The following DZIP3 variants were observed in gnomAD, a reference collection of about 807,000 sequenced individuals.
DZIP3 encodes the protein DAZ interacting zinc finger protein 3.
In DZIP3, 118 loss-of-function variants were observed where a neutral mutation model predicts 162.0. That is an observed-to-expected ratio of 0.73 (90% CI 0.63 to 0.85). DZIP3 has a LOEUF of 0.85. Among genes scored for constraint, DZIP3 ranks in the 40% least tolerant of loss-of-function variants. The pLI is 0.00. For missense variants in DZIP3, 1,331 were observed against 1,407.0 expected (o/e 0.95, Z 0.86); for synonymous variants, 438 against 458.6 (o/e 0.96, Z 0.57).
chr3:108,685,304 A>G (rs73850576), intron 27 of DZIP3, among the ~76,000 whole-genome samples: 21,674 of 152,134 alleles, frequency 0.14, 1,692 homozygotes, highest in South Asian at 0.27. Context: ...TCCTAATAAG[A>G]TTACTTTCTG....
chr3:108,669,960 TA>T (rs1943865477), intron 22 of DZIP3, among the ~76,000 whole-genome samples: 1 of 151,882 alleles, frequency 6.6e-6, no homozygotes, highest in Non-Finnish European at 1.5e-5. Flanking sequence ...GCTCTGACTC[TA>T]GAAAACTGCT....
rs372138597 is a variant in DZIP3, at chr3:108,648,967, G to C, written c.2007+5G>C. The C allele has an allele frequency of 8.6e-7, 1 of 1,160,518 alleles. No individual in the cohort carries two copies. Among genetic ancestry groups the C allele is most frequent in the African/African-American group, 1.7e-5 (1 of 60,112 alleles). The allele number at this position is 1,160,518 out of a possible 1,614,324, so 71.9% of individuals were successfully genotyped here. Reference sequence around the variant, plus strand: ...AAGAAGACTAAGAATAAAAAGGTAAGAGACTATAATAGCATTATAATACTG... The same window carrying C: ...AAGAAGACTAAGAATAAAAAGGTAACAGACTATAATAGCATTATAATACTG... On this transcript the variant is annotated splice_donor_5th_base_variant and intron_variant, in intron 17 of 32. Coordinates refer to ENST00000361582, the MANE Select transcript of DZIP3 (RefSeq NM_014648.4).
At position 108,611,183 on chromosome 3, in the gene DZIP3, G is replaced by C. The variant is rs191742503; in HGVS notation, c.112G>C (p.Glu38Gln). Residue 38 changes from glutamate (E) to glutamine (Q), a missense_variant, in exon 4 of 33, where the codon GAA (glutamate) becomes CAA (glutamine). This residue lies in a region of DZIP3 where 1,278 missense variants were observed against 1,317.1 expected (regional missense o/e 0.97). Transcript: ENST00000361582. ...EKSSGQLNKQ[E>Q]NDIPTDLVPV... ...CAATAATGTCTTCTAGAACAAACAG[G>C]AAAATGACATACCTACTGATCTTGT... 54 of 1,587,520 alleles carry C rather than the reference G, an allele frequency of 3.4e-5. No individual in the cohort carries two copies. The East Asian group carries it at 1.1e-3, about 33-fold the overall frequency.
At position 108,661,939 on chromosome 3, in the gene DZIP3, A is replaced by C. The variant is rs750569405; in HGVS notation, c.2262A>C (p.Gln754His). Reference sequence around the variant, plus strand: ...CTGAAAAGGAAAGGCTTGCTCGTCAAAGGCAGCTTTATAAATTGCACTATC... The same window carrying C: ...CTGAAAAGGAAAGGCTTGCTCGTCACAGGCAGCTTTATAAATTGCACTATC... Reference protein sequence around the residue: ...GETEKERLARQRQLYKLHYQC... With the variant: ...GETEKERLARHRQLYKLHYQC... Residue 754 changes from glutamine (Q) to histidine (H), a missense_variant, in exon 20 of 33, where the codon CAA becomes CAC. Physicochemically the swap from Gln to His is conservative, Grantham distance 24. Coordinates refer to ENST00000361582, the MANE Select transcript of DZIP3 (RefSeq NM_014648.4). 6.2e-7 allele frequency: 1 copy of C among 1,614,058 alleles called. No individual in the cohort carries two copies.
At chr3:108,654,025 G>T in intron 18 of DZIP3, 120 bp from the exon 19 acceptor site, 1 of 1,042,578 alleles carries the variant, frequency 9.6e-7, no homozygotes, top group East Asian at 2.6e-5. Flanking sequence ...CTTTGATCAT[G>T]AACCCTTCTA....
chr3:108,688,285 C>T (rs1405728012), intron 29 of DZIP3, among the ~76,000 whole-genome samples, 189 bp downstream of exon 29: 1 of 152,100 alleles, frequency 6.6e-6, no homozygotes, highest in African/African-American at 2.4e-5. Flanking sequence ...ATACCTGTTA[C>T]CTAATCATTC....
chr3:108,660,178 G>A (rs140350155), intron 19 of DZIP3, among the ~76,000 whole-genome samples: 2,949 of 152,106 alleles, frequency 0.019, 88 homozygotes, highest in African/African-American at 0.063. Flanking sequence ...CCTGCATTGC[G>A]AAGTCAATCC....
intron 11 of DZIP3, 28 bp from the exon 12 acceptor site, chr3:108,637,468 G>T: frequency 1.2e-6 from 2 of 1,604,200 alleles, no homozygotes; most frequent in Admixed American, 1.7e-5. Flanking sequence ...ACTACTTTAG[G>T]GCTATTTTTT....
At chr3:108,647,365 A>T (rs930766367) in intron 15 of DZIP3, among the ~76,000 whole-genome samples, 1 of 152,086 alleles carries the variant, frequency 6.6e-6, no homozygotes, top group African/African-American at 2.4e-5. Context: ...AATTAAAATT[A>T]TACTTAAAAA....
In DZIP3 at chr3:108,625,959, G is replaced by C; in HGVS notation, c.571G>C (p.Ala191Pro). The C allele has an allele frequency of 6.2e-7, 1 of 1,611,198 alleles. No individual in the cohort carries two copies. The highest frequency in any genetic ancestry group is 8.5e-7 in the Non-Finnish European group (1 of 1,179,186). Residue 191 changes from alanine to proline, a missense_variant, in exon 7 of 33, where the codon GCT becomes CCT. Around this residue, in one of 2 missense-constraint regions of DZIP3, gnomAD observed 1,278 missense variants for 1,317.1 expected, o/e 0.97. Coordinates refer to ENST00000361582, the MANE Select transcript of DZIP3 (RefSeq NM_014648.4). Reference protein sequence around the residue: ...VYFGRGLLRCAQKRYNGGLLE... With the variant: ...VYFGRGLLRCPQKRYNGGLLE... The stretch of plus-strand genomic sequence containing the variant: ...TTTTGGACGTGGTTTACTGCGATGT[G>C]CTCAAAAGAGGTAAGGATTTTAATT...
intron 1 of DZIP3, among the ~76,000 whole-genome samples, chr3:108,594,430 C>T (rs1939600324): frequency 8.1e-6 from 1 of 123,572 alleles, no homozygotes. Context: ...CCCTCCCTCC[C>T]TGCTCCCCCC....
At chr3:108,659,417 C>A (rs1018978065) in intron 19 of DZIP3, among the ~76,000 whole-genome samples, 7 of 152,118 alleles carry the variant, frequency 4.6e-5, no homozygotes, top group African/African-American at 1.7e-4. Flanking sequence ...GCAGAAAAGG[C>A]CTTTGACAAA....
chr3:108,656,270 C>T lies in DZIP3; in HGVS notation c.2199+1960C>T, dbSNP rs910404265. 1.8e-4 allele frequency among the ~76,000 whole-genome samples: 28 copies of T among 152,278 alleles called. 1 individual carries two copies. The highest frequency in any genetic ancestry group is 3.9e-4 in the African/African-American group (16 of 41,552). On this transcript the variant is annotated intron_variant, in intron 19 of 32. Transcript: ENST00000361582. ...AGTAGGGGCAGACTGACACCTCACACGGCTGGGTACCCCTCTGAGGCAAAA... is the reference window on the plus strand; with the variant it reads ...AGTAGGGGCAGACTGACACCTCACATGGCTGGGTACCCCTCTGAGGCAAAA...
chr3:108,633,180 A>G (rs1212184791), intron 9 of DZIP3, 108 bp downstream of exon 9: 4 of 454,494 alleles, frequency 8.8e-6, no homozygotes, highest in African/African-American at 8.5e-5. Flanking sequence ...TTAAAAGAGC[A>G]TTTAGTTTAA....
chr3:108,662,992 G>A (rs556870022), intron 21 of DZIP3, among the ~76,000 whole-genome samples: 1 of 152,186 alleles, frequency 6.6e-6, no homozygotes, highest in Admixed American at 6.5e-5. Context: ...AAAGTGCTTC[G>A]AATGTCTTTG....
chr3:108,628,079 A>G (rs1941668373), intron 7 of DZIP3, among the ~76,000 whole-genome samples: 1 of 151,808 alleles, frequency 6.6e-6, no homozygotes, highest in Non-Finnish European at 1.5e-5. Flanking sequence ...GGGTTTCACT[A>G]TGTTGGTCAG....
chr3:108,590,020 T>C (rs149471509), intron 1 of DZIP3, 181 bp downstream of exon 1: 1 of 152,254 alleles, frequency 6.6e-6, no homozygotes, highest in African/African-American at 2.4e-5. Context: ...TTGTCACATT[T>C]ATTCGAGAAG....
rs751940620 is a variant in DZIP3, at chr3:108,624,525, G to T, written c.456+1G>T. 6.5e-7 allele frequency: 1 copy of T among 1,526,724 alleles called. No homozygotes were observed. Among genetic ancestry groups the T allele is most frequent in the East Asian group, 2.3e-5 (1 of 42,602 alleles). 94.6% of individuals were successfully genotyped at this position (1,526,724 alleles called of 1,614,324 possible). A position where few individuals can be genotyped will look rare whatever the true frequency, so the allele number is the denominator to read the frequency against. On this transcript the variant is annotated splice_donor_variant, in intron 6 of 32. Coordinates refer to ENST00000361582, the MANE Select transcript of DZIP3 (RefSeq NM_014648.4). LOFTEE classifies it high-confidence loss of function. ...ACTCACTGAAAGAGGAAAGAAAGAG[G>T]TATGTAACATGTTATTTGCCCTTTA...
Position 108,688,852 on chromosome 3 carries a change from T to G in DZIP3, c.3444T>G (p.Cys1148Trp). The G allele has an allele frequency of 6.2e-7, 1 of 1,614,234 alleles. No individual in the cohort carries two copies. The highest frequency in any genetic ancestry group is 8.5e-7 in the Non-Finnish European group (1 of 1,180,036). ...AGGAAGAGGAAGAAGAAGAGCCTTG[T>G]GTGATCTGTCATGAGAATCTGTCTC... is the stretch of plus-strand genomic sequence containing the variant. ...PDEEEEEEEP[C>W]VICHENLSPE... is the part of the protein sequence containing the mutation. The change falls in exon 31 of 33, where the codon TGT becomes TGG. Residue 1148 changes from cysteine to tryptophan, a missense_variant. This residue lies in a region of DZIP3 where 53 missense variants were observed against 89.9 expected (regional missense o/e 0.59). Transcript: ENST00000361582.
Sources: gnomAD v4.1 joint callset for allele counts (sites outside exome capture counted in the v4.1 genomes callset) on GRCh38, gnomAD v4.1.1 for gene constraint, gnomAD v4.1.1 regional missense constraint, MANE v1.5 for transcripts, NCBI Gene and HGNC (gene_info 2026-07-23, HGNC 2026-07-21) for gene names.